Variants in ARHGEF10L observed in about 807,000 individuals in gnomAD.
ARHGEF10L encodes the protein Rho guanine nucleotide exchange factor 10 like, also known as rho guanine nucleotide exchange factor 10-like protein.
A neutral mutation model predicts 141.2 loss-of-function variants in ARHGEF10L; 69 were observed. The observed-to-expected ratio is 0.49, with a 90% CI of 0.40 to 0.60. ARHGEF10L has a LOEUF of 0.60. ARHGEF10L is among the 20% of genes least tolerant of loss of function. The probability of loss-of-function intolerance (pLI) is 0.00; values close to 1 mark genes in which losing one functional copy is unlikely to be tolerated. For missense variants in ARHGEF10L, 1,482 were observed against 1,734.3 expected (o/e 0.85, Z 2.58); for synonymous variants, 711 against 718.5 (o/e 0.99, Z 0.17).
At position 17,621,921 on chromosome 1, in the gene ARHGEF10L, T is replaced by G. The variant is rs1209172953; in HGVS notation, c.1000T>G (p.Ser334Ala). Residue 334 changes from serine to alanine, a missense_variant, in exon 11 of 29, where the codon TCT (serine) becomes GCT (alanine). By Grantham distance (99) the Ser-to-Ala change is moderately conservative (BLOSUM62 1). Transcript: ENST00000361221. The surrounding 1 kb of genome is among the most constrained non-coding windows in gnomAD (Gnocchi z 4.1). ...IVQSEGSYVE[S>A]LKRILQDYRN... ...GCAGAGCGAAGGCAGCTACGTGGAG[T>G]CTCTGAAGCGGATACTCCAGGTGCG... 2.5e-6 allele frequency: 4 copies of G among 1,613,750 alleles called. No individual in the cohort carries two copies. Among genetic ancestry groups the G allele is most frequent in the Non-Finnish European group, 1.7e-6 (2 of 1,179,904 alleles).
At chr1:17,687,841 C>T (rs1359588693) in intron 27 of ARHGEF10L, 94 bp downstream of exon 27, 1 of 1,346,076 alleles carries the variant, frequency 7.4e-7, no homozygotes, top group Non-Finnish European at 9.9e-7. Context: ...CCCATTTTCC[C>T]TCATCAGCCC....
Position 17,615,821 on chromosome 1 carries a change from A to G in ARHGEF10L, c.727-273A>G, listed in dbSNP as rs965301520. 1.4e-5 allele frequency: 5 copies of G among 351,538 alleles called. No homozygotes were observed. The highest frequency in any genetic ancestry group is 2.7e-5 in the Non-Finnish European group (5 of 186,860). The allele number at this position is 351,538 out of a possible 1,614,324, so 21.8% of individuals were successfully genotyped here. ...CTCGGCCCCCTCCTCACCAGGTCAC[A>G]TCATCTCCTGGATTAGAAATCTGCT... On this transcript the variant is annotated intron_variant, in intron 8 of 28. Coordinates refer to ENST00000361221, the MANE Select transcript of ARHGEF10L (RefSeq NM_018125.4). The surrounding 1 kb of genome is among the most constrained non-coding windows in gnomAD (Gnocchi z 4.7).
chr1:17,603,581 G>T lies in ARHGEF10L; in HGVS notation c.423G>T (p.Ala141=). Reference sequence around the variant, plus strand: ...ACGTCCCCTGCGAGAGCCCAGATGCGCATCAGCCCGGTATGATGTCTGCAG... The same window carrying T: ...ACGTCCCCTGCGAGAGCCCAGATGCTCATCAGCCCGGTATGATGTCTGCAG... ...YDDVPCESPD[A]HQPGAERNLL... is the part of the protein sequence containing the mutation. Residue 141 remains alanine, a synonymous_variant, in exon 6 of 29, where the codon GCG becomes GCT. Coordinates refer to ENST00000361221, the MANE Select transcript of ARHGEF10L (RefSeq NM_018125.4). This position sits in a 1 kb window ranked among gnomAD's most constrained non-coding sequence, Gnocchi z 4.8. The T allele has an allele frequency of 2.5e-6, 4 of 1,612,586 alleles. No homozygotes were observed. Among genetic ancestry groups the T allele is most frequent in the South Asian group, 1.1e-5 (1 of 90,588 alleles).
the ARHGEF10L span, among the ~76,000 whole-genome samples, chr1:17,524,415 AC>A: frequency 6.9e-6 from 1 of 144,774 alleles, no homozygotes; most frequent in African/African-American, 2.6e-5. Context: ...ACACACACAC[AC>A]ACACAAAATT....
chr1:17,661,298 G>A (rs925519156), intron 25 of ARHGEF10L, among the ~76,000 whole-genome samples: 22 of 152,306 alleles, frequency 1.4e-4, no homozygotes, highest in Non-Finnish European at 1.6e-4. Context: ...GGCTGGTCTC[G>A]AACTCCCAAC....
intron 1 of ARHGEF10L, among the ~76,000 whole-genome samples, chr1:17,575,238 A>G (rs566132932): frequency 5.1e-4 from 77 of 152,298 alleles, no homozygotes; most frequent in Non-Finnish European, 9.4e-4. Context: ...AGCACCACCC[A>G]TGCTCTTTGA....
In ARHGEF10L at chr1:17,649,047, A is replaced by T. The variant is rs12565051; in HGVS notation, c.2394+372A>T. Among the ~76,000 whole-genome samples the T allele has an allele frequency of 7.9e-5, 12 of 152,230 alleles. No homozygotes were observed. The East Asian group carries it at 1.9e-3, about 25-fold the overall frequency. On this transcript the variant is annotated intron_variant, in intron 22 of 28. Transcript: ENST00000361221. ...GGCGGGAGCCGGCTTTGGCGCAGGGATTGCCCTCATCATGGAATGCTCCAG... is the reference window on the plus strand; with the variant it reads ...GGCGGGAGCCGGCTTTGGCGCAGGGTTTGCCCTCATCATGGAATGCTCCAG...
At chr1:17,547,164 G>A (rs1184423401) in intron 1 of ARHGEF10L, among the ~76,000 whole-genome samples, 1 of 152,188 alleles carries the variant, frequency 6.6e-6, no homozygotes, top group African/African-American at 2.4e-5. Flanking sequence ...ACAGGCCCAG[G>A]GTCTGCCCAC....
At position 17,656,198 on chromosome 1, in the gene ARHGEF10L, A is replaced by G. The variant is rs1008940706; in HGVS notation, c.2705+96A>G. 19 of 1,355,282 alleles carry G rather than the reference A, an allele frequency of 1.4e-5. No individual in the cohort carries two copies. The highest frequency in any genetic ancestry group is 2.7e-5 in the South Asian group (2 of 73,190). 84.0% of individuals were successfully genotyped at this position (1,355,282 alleles called of 1,614,324 possible). A position where few individuals can be genotyped will look rare whatever the true frequency, so the allele number is the denominator to read the frequency against. ...AGCCTTCCGGATCTGCCTGTTGCCC[A>G]CCAACATTCTCTGCCCCTGGTCTCC... On this transcript the variant is annotated intron_variant, in intron 24 of 28. Transcript: ENST00000361221. The surrounding 1 kb of genome is among the most constrained non-coding windows in gnomAD (Gnocchi z 4.9).
the ARHGEF10L span, among the ~76,000 whole-genome samples, chr1:17,531,514 G>A: frequency 8.0e-3 from 1,217 of 152,322 alleles, 14 homozygotes; most frequent in African/African-American, 0.027. Flanking sequence ...CTCTCCCACT[G>A]TGTGACCTTG....
In ARHGEF10L at chr1:17,639,892, T is replaced by C. The variant is rs978990825; in HGVS notation, c.2172-310T>C. The C allele has an allele frequency of 7.0e-7, 1 of 1,422,844 alleles. No homozygotes were observed. 88.1% of individuals were successfully genotyped at this position (1,422,844 alleles called of 1,614,324 possible). A position where few individuals can be genotyped will look rare whatever the true frequency, so the allele number is the denominator to read the frequency against. Reference sequence around the variant, plus strand: ...TGTGGACAGCTGACCGCTGACCAGGTGGAGTCACAGCCTGCAGAGGCTCTG... The same window carrying C: ...TGTGGACAGCTGACCGCTGACCAGGCGGAGTCACAGCCTGCAGAGGCTCTG... On this transcript the variant is annotated intron_variant, in intron 20 of 28. Coordinates refer to ENST00000361221, the MANE Select transcript of ARHGEF10L (RefSeq NM_018125.4). This position sits in a 1 kb window ranked among gnomAD's most constrained non-coding sequence, Gnocchi z 4.3.
intron 26 of ARHGEF10L, among the ~76,000 whole-genome samples, chr1:17,675,932 G>A (rs2063655771): frequency 6.7e-6 from 1 of 149,320 alleles, no homozygotes; most frequent in Non-Finnish European, 1.5e-5. Flanking sequence ...ACAGGTTTGT[G>A]TGCAGTCATG....
rs1177882231 is a variant in ARHGEF10L at position 17,627,369 on chromosome 1, C to A, written c.1450C>A (p.Leu484Met). The A allele has an allele frequency of 6.2e-7, 1 of 1,614,030 alleles. No homozygotes were observed. The highest frequency in any genetic ancestry group is 8.5e-7 in the Non-Finnish European group (1 of 1,180,052). The change falls in exon 15 of 29, where the codon CTG becomes ATG. Residue 484 changes from leucine to methionine, a missense_variant. Around this residue, in one of 3 missense-constraint regions of ARHGEF10L, gnomAD observed 392 missense variants for 542.1 expected, o/e 0.72. Coordinates refer to ENST00000361221, the MANE Select transcript of ARHGEF10L (RefSeq NM_018125.4). This position sits in a 1 kb window ranked among gnomAD's most constrained non-coding sequence, Gnocchi z 4.0. ...KNTPRGHPDR[L>M]SLQLALTELE... ...CACCCCCAGGGGCCATCCGGACAGG[C>A]TGTCGCTGCAGCTGGCCCTCACAGA... is the stretch of plus-strand genomic sequence containing the variant.
chr1:17,668,809 A>C (rs1441250550), intron 26 of ARHGEF10L, among the ~76,000 whole-genome samples: 1 of 150,110 alleles, frequency 6.7e-6, no homozygotes, highest in East Asian at 2.0e-4. Context: ...TGCGTATTTA[A>C]TAAGCCATGC....
At chr1:17,638,433 G>T (rs2061144039) in intron 19 of ARHGEF10L, 129 bp from the exon 20 acceptor site, 1 of 1,375,438 alleles carries the variant, frequency 7.3e-7, no homozygotes, top group Non-Finnish European at 9.9e-7. Flanking sequence ...TAAATGTGCA[G>T]CCTCAGTGAG....
intron 7 of ARHGEF10L, among the ~76,000 whole-genome samples, chr1:17,611,095 C>G (rs1202335488): frequency 2.0e-5 from 3 of 152,184 alleles, no homozygotes; most frequent in Admixed American, 2.0e-4. Context: ...CCAGCCCTGG[C>G]CCAGCCTGGT....
intron 2 of ARHGEF10L, among the ~76,000 whole-genome samples, chr1:17,585,966 C>A (rs574877639): frequency 4.6e-5 from 7 of 152,290 alleles, no homozygotes; most frequent in South Asian, 2.1e-4. Context: ...CTACTCCTAC[C>A]CAGTGGTTCT....
chr1:17,568,286 G>A (rs1283769176), intron 1 of ARHGEF10L, among the ~76,000 whole-genome samples: 2 of 152,224 alleles, frequency 1.3e-5, no homozygotes, highest in African/African-American at 4.8e-5. Flanking sequence ...CACTTTCTGA[G>A]AATTATTATC....
rs765466357 is a variant in ARHGEF10L, at chr1:17,580,611, C to A, written c.16C>A (p.Pro6Thr). The A allele has an allele frequency of 6.2e-7, 1 of 1,614,184 alleles. No homozygotes were observed. Among genetic ancestry groups the A allele is most frequent in the South Asian group, 1.1e-5 (1 of 91,078 alleles). The change falls in exon 2 of 29, where the codon CCT becomes ACT. Residue 6 changes from proline to threonine, a missense_variant. Transcript: ENST00000361221. ...ACCTTGTCTGATGGCTTCCTCCAAC[C>A]CTCCTCCACAGCCTGCCATAGGTAC... is the stretch of plus-strand genomic sequence containing the variant. Reference protein sequence around the residue: MASSNPPPQPAIGDQL... With the variant: MASSNTPPQPAIGDQL...
Sources: allele counts gnomAD v4.1 joint callset (sites outside exome capture counted in the v4.1 genomes callset), GRCh38; gene constraint gnomAD v4.1.1; regional missense constraint gnomAD v4.1.1; non-coding constraint Gnocchi (gnomAD v3.1); transcripts MANE v1.5; gene names NCBI Gene and HGNC (gene_info 2026-07-23, HGNC 2026-07-21).